REV3L: variants seen among roughly 807,000 people sequenced by gnomAD.
REV3L encodes the protein REV3 like, DNA directed polymerase zeta catalytic subunit.
In REV3L, 69 loss-of-function variants were observed where a neutral mutation model predicts 299.4. The observed-to-expected ratio is 0.23, with a 90% CI of 0.19 to 0.28. The LOEUF is 0.28. Ranked by LOEUF, REV3L falls within the 10% of genes least tolerant of loss-of-function variation. The probability of loss-of-function intolerance (pLI) is 1.00; values close to 1 mark genes in which losing one functional copy is unlikely to be tolerated. For synonymous variants in REV3L, 1,238 were observed against 1,271.4 expected (o/e 0.97, Z 0.56); for missense variants, 3,128 against 3,693.8 (o/e 0.85, Z 3.97).
intron 20 of REV3L, 91 bp downstream of exon 20, chr6:111,349,127 A>G: frequency 1.5e-6 from 1 of 679,532 alleles, no homozygotes; most frequent in Admixed American, 2.3e-5. Context: ...CATAAGCTAT[A>G]TAGTAAATCT....
At chr6:111,458,746 A>C (rs1436743432) in intron 1 of REV3L, among the ~76,000 whole-genome samples, 1 of 152,178 alleles carries the variant, frequency 6.6e-6, no homozygotes. Flanking sequence ...AGATCTCTAC[A>C]AGGAGAACTA....
At chr6:111,308,249 T>C (rs1445372301) in intron 30 of REV3L, 2 of 453,820 alleles carry the variant, frequency 4.4e-6, no homozygotes, top group East Asian at 7.0e-5. Context: ...TAAATCCCTT[T>C]GTAAAAAAGT....
rs4038141 is a variant in REV3L at position 111,303,165 on chromosome 6, C to CTTTCTTTTTT, written c.9253-3010_9253-3009insAAAAAAGAAA. Among the ~76,000 whole-genome samples, 171 of 92,328 alleles carry CTTTCTTTTTT rather than the reference C, an allele frequency of 1.9e-3. 11 individuals are homozygous for CTTTCTTTTTT. The highest frequency in any genetic ancestry group is 2.4e-3 in the African/African-American group (62 of 25,536). 60.6% of individuals were successfully genotyped at this position (92,328 alleles called of 152,430 possible). A position where few individuals can be genotyped will look rare whatever the true frequency, so the allele number is the denominator to read the frequency against. On this transcript the variant is annotated intron_variant, in intron 31 of 31. Coordinates refer to ENST00000368802, the MANE Select transcript of REV3L (RefSeq NM_001372078.1). ...AATGTACTGAGGCTTTCTTTTCTTT[C>CTTTCTTTTTT]TTTTTTTTTTTTTTTTTGAGATGAG...
chr6:111,299,986 T>A lies in REV3L; in HGVS notation c.*30A>T. 6.3e-7 allele frequency: 1 copy of A among 1,591,880 alleles called. No homozygotes were observed. Among genetic ancestry groups the A allele is most frequent in the Non-Finnish European group, 8.5e-7 (1 of 1,170,658 alleles). ...GTTTAGTGGTAAGCACTGAAAAAAA[T>A]AGCACCTGTAATACTGTGATATTGA... On this transcript the variant is annotated 3_prime_UTR_variant, in exon 32 of 32. Transcript: ENST00000368802.
In REV3L at chr6:111,335,397, A is replaced by G. The variant is rs934836528; in HGVS notation, c.7680+72T>C. ...CCAAACAGAAAGTTTAAAAAGTCAAATCACTTCAAACATCACAAAAGTGTA... is the reference window on the plus strand; with the variant it reads ...CCAAACAGAAAGTTTAAAAAGTCAAGTCACTTCAAACATCACAAAAGTGTA... On this transcript the variant is annotated intron_variant, in intron 22 of 31. Transcript: ENST00000368802. 4.8e-6 allele frequency: 7 copies of G among 1,459,962 alleles called. No homozygotes were observed. The African/African-American group carries it at 1.0e-4, about 21-fold the overall frequency. 90.4% of individuals were successfully genotyped at this position (1,459,962 alleles called of 1,614,324 possible).
At position 111,422,579 on chromosome 6, in the gene REV3L, CAT is replaced by C. The variant is rs1446865084; in HGVS notation, c.140-6109_140-6108del. Reference sequence around the variant, plus strand: ...GGTGATTCTTTTATATATATATACACATATATATATATATACACATATATATA... The same window carrying C: ...GGTGATTCTTTTATATATATATACACATATATATATATACACATATATATA... On this transcript the variant is annotated intron_variant, in intron 1 of 31. Transcript: ENST00000368802. 3.7e-3 allele frequency among the ~76,000 whole-genome samples: 99 copies of C among 26,756 alleles called. 8 individuals are homozygous for C. The highest frequency in any genetic ancestry group is 0.025 in the East Asian group (45 of 1,788). The allele number at this position is 26,756 out of a possible 152,430, so 17.6% of individuals were successfully genotyped here.
rs999741232 is a variant in REV3L at position 111,375,888 on chromosome 6, G to A, written c.2467C>T (p.Pro823Ser). 3 of 1,613,856 alleles carry A rather than the reference G, an allele frequency of 1.9e-6. No individual in the cohort carries two copies. In the African/African-American group the frequency reaches 4.0e-5, roughly 22 times the overall value. Reference sequence around the variant, plus strand: ...TTTAACCGGGATGGTTTATTGCCAGGTTGTAATTTATATGTGACAGGAGAT... The same window carrying A: ...TTTAACCGGGATGGTTTATTGCCAGATTGTAATTTATATGTGACAGGAGAT... ...KLSPVTYKLQPGNKPSRLKLN... is the reference protein window; with the variant it reads ...KLSPVTYKLQSGNKPSRLKLN... The change falls in exon 13 of 32, where the codon CCT becomes TCT. Residue 823 changes from proline (P) to serine (S), a missense_variant. By Grantham distance (74) the Pro-to-Ser change is moderately conservative. Around this residue, in one of 9 missense-constraint regions of REV3L, gnomAD observed 2,409 missense variants for 2,611.8 expected, o/e 0.92. Coordinates refer to ENST00000368802, the MANE Select transcript of REV3L (RefSeq NM_001372078.1).
At chr6:111,306,206 C>G (rs946202047) in intron 31 of REV3L, among the ~76,000 whole-genome samples, 1 of 152,022 alleles carries the variant, frequency 6.6e-6, no homozygotes, top group African/African-American at 2.4e-5. Flanking sequence ...AGGCTTCACC[C>G]AGTCCAGAGG....
At chr6:111,323,394 TTGA>T (rs1166644460) in intron 25 of REV3L, among the ~76,000 whole-genome samples, 2 of 152,198 alleles carry the variant, frequency 1.3e-5, no homozygotes, top group Non-Finnish European at 2.9e-5. Context: ...TGTTGAAGTG[TTGA>T]TGATAATGTC....
At chr6:111,429,405 A>G (rs1470545752) in intron 1 of REV3L, among the ~76,000 whole-genome samples, 4 of 152,206 alleles carry the variant, frequency 2.6e-5, no homozygotes, top group Non-Finnish European at 5.9e-5. Flanking sequence ...GAGTTCTTCC[A>G]CCAGACAGAA....
intron 1 of REV3L, among the ~76,000 whole-genome samples, chr6:111,477,476 A>G (rs1026298154): frequency 1.3e-5 from 2 of 152,238 alleles, no homozygotes; most frequent in African/African-American, 4.8e-5. Context: ...GGAAAGATAA[A>G]TCGAAGTTTA....
chr6:111,381,584 A>C, intron 9 of REV3L, 140 bp from the exon 10 acceptor site: 1 of 668,956 alleles, frequency 1.5e-6, no homozygotes, highest in Non-Finnish European at 2.5e-6. Flanking sequence ...TGCCAAATAA[A>C]AACATAATAA....
At chr6:111,312,573 T>C in intron 28 of REV3L, 1 of 152,256 alleles carries the variant, frequency 6.6e-6, no homozygotes, top group East Asian at 1.9e-4. Context: ...TCTCTCTTTT[T>C]ATTTTGATGG....
At chr6:111,413,558 G>GT (rs1784465811) in intron 2 of REV3L, among the ~76,000 whole-genome samples, 1 of 151,988 alleles carries the variant, frequency 6.6e-6, no homozygotes, top group African/African-American at 2.4e-5. Flanking sequence ...AAAGAATAGA[G>GT]TTAAACCTCA....
At chr6:111,443,337 G>A (rs950040343) in intron 1 of REV3L, among the ~76,000 whole-genome samples, 17 of 151,872 alleles carry the variant, frequency 1.1e-4, no homozygotes, top group Admixed American at 9.2e-4. Context: ...TAGTAGAGAC[G>A]AGGTTTCACC....
intron 21 of REV3L, among the ~76,000 whole-genome samples, chr6:111,340,208 CT>C (rs1376717993): frequency 6.6e-6 from 1 of 152,146 alleles, no homozygotes; most frequent in Non-Finnish European, 1.5e-5. Flanking sequence ...CTTATATTAT[CT>C]TCTTCAGCTA....
intron 19 of REV3L, among the ~76,000 whole-genome samples, chr6:111,349,669 C>T (rs529813437): frequency 6.6e-6 from 1 of 152,276 alleles, no homozygotes; most frequent in East Asian, 1.9e-4. Context: ...TGGTCACAAG[C>T]AATCCGCCTG....
At chr6:111,387,718 A>G in intron 9 of REV3L, 47 bp downstream of exon 9, 1 of 1,531,140 alleles carries the variant, frequency 6.5e-7, no homozygotes, top group Non-Finnish European at 9.0e-7. Context: ...TCTCAGTGCT[A>G]GATATCTGTT....
intron 1 of REV3L, among the ~76,000 whole-genome samples, chr6:111,463,550 A>G (rs922677964): frequency 4.6e-5 from 7 of 152,208 alleles, no homozygotes; most frequent in Non-Finnish European, 8.8e-5. Context: ...AGGAGGGAAA[A>G]TATACTTCTT....
Sources: gnomAD v4.1 joint callset for allele counts (sites outside exome capture counted in the v4.1 genomes callset) on GRCh38, gnomAD v4.1.1 for gene constraint, gnomAD v4.1.1 regional missense constraint, MANE v1.5 for transcripts, NCBI Gene and HGNC (gene_info 2026-07-23, HGNC 2026-07-21) for gene names.